Variants in FAM53B observed in about 807,000 individuals in gnomAD.
FAM53B encodes family with sequence similarity 53 member B.
Under a neutral mutation model 32.7 loss-of-function variants are expected in FAM53B, and 12 were observed. The ratio of observed to expected loss-of-function variants is 0.37; its 90% CI spans 0.24 to 0.59. The LOEUF (loss-of-function observed/expected upper bound fraction) is 0.59. Among genes scored for constraint, FAM53B ranks in the 20% least tolerant of loss-of-function variants. FAM53B has a pLI of 0.72. For synonymous variants in FAM53B, 234 were observed against 228.7 expected, an observed-to-expected ratio of 1.02 and a Z score of -0.21; for missense variants, 477 against 577.7, an observed-to-expected ratio of 0.83 and a Z score of 1.79.
chr10:124,680,543 TG>T (rs1389328511), intron 4 of FAM53B, among the ~76,000 whole-genome samples: 1 of 152,174 alleles, frequency 6.6e-6, no homozygotes, highest in Non-Finnish European at 1.5e-5. Flanking sequence ...ACACTGGGCT[TG>T]GAAGGAAGTC....
At chr10:124,740,430 T>A (rs186386447) in intron 1 of FAM53B, among the ~76,000 whole-genome samples, 4 of 152,332 alleles carry the variant, frequency 2.6e-5, no homozygotes, top group African/African-American at 9.6e-5. Context: ...CAGTCATTAA[T>A]CATGTTAATG....
intron 4 of FAM53B, among the ~76,000 whole-genome samples, chr10:124,625,996 G>A (rs1438616768): frequency 6.6e-6 from 1 of 152,234 alleles, no homozygotes; most frequent in Non-Finnish European, 1.5e-5. Flanking sequence ...GTCAAGGCCA[G>A]AGCAGCCCGG....
chr10:124,730,359 T>TTAC (rs1950134655), intron 1 of FAM53B, among the ~76,000 whole-genome samples: 1 of 152,098 alleles, frequency 6.6e-6, no homozygotes, highest in African/African-American at 2.4e-5. Context: ...GGAGCTGAGG[T>TTAC]TACAGGCTGC....
rs555204000 is a variant in FAM53B, at chr10:124,693,098, G to C, written c.133+3060C>G. 3.9e-5 allele frequency among the ~76,000 whole-genome samples: 6 copies of C among 152,274 alleles called. No individual in the cohort carries two copies. The South Asian group carries it at 1.0e-3, about 26-fold the overall frequency. On this transcript the variant is annotated intron_variant, in intron 3 of 4. Coordinates refer to ENST00000337318, the MANE Select transcript of FAM53B (RefSeq NM_014661.4). ...TAATTTGGTGTTTTATCTTCGCACA[G>C]CATTGTCCAGCGCTGGAAGGGCCCA... is the stretch of plus-strand genomic sequence containing the variant.
At chr10:124,652,672 T>G (rs891146204) in intron 4 of FAM53B, among the ~76,000 whole-genome samples, 1 of 152,182 alleles carries the variant, frequency 6.6e-6, no homozygotes, top group Non-Finnish European at 1.5e-5. Flanking sequence ...GGACAGTATG[T>G]ATTTTAATGA....
chr10:124,712,908 G>C (rs1291098667), intron 1 of FAM53B, among the ~76,000 whole-genome samples: 1 of 152,154 alleles, frequency 6.6e-6, no homozygotes, highest in African/African-American at 2.4e-5. Context: ...CGGTGGCAGG[G>C]GGCCCCTGCC....
At chr10:124,739,106 A>G (rs1174232843) in intron 1 of FAM53B, among the ~76,000 whole-genome samples, 2 of 151,542 alleles carry the variant, frequency 1.3e-5, no homozygotes, top group African/African-American at 4.8e-5. Flanking sequence ...GGAGGGGAAA[A>G]GGCAGTTAAA....
In FAM53B at chr10:124,636,461, G is replaced by A. The variant is rs149665209; in HGVS notation, c.907-12857C>T. Among the ~76,000 whole-genome samples the A allele has an allele frequency of 5.4e-4, 83 of 152,348 alleles. No homozygotes were observed. In the Middle Eastern group the frequency reaches 0.01, roughly 19 times the overall value. On this transcript the variant is annotated intron_variant, in intron 4 of 4. Coordinates refer to ENST00000337318, the MANE Select transcript of FAM53B (RefSeq NM_014661.4). ...GCCAGTGAGCCACCCTGTGCCAGAC[G>A]CCTGCATGTGGGTGGTTAGCCGGGT...
intron 3 of FAM53B, among the ~76,000 whole-genome samples, chr10:124,685,802 T>C (rs1949799009): frequency 1.3e-5 from 2 of 152,154 alleles, no homozygotes; most frequent in Admixed American, 1.3e-4. Context: ...CAGCCTGCGA[T>C]CTTGGTGCTT....
chr10:124,689,232 C>T (rs1589751435), intron 3 of FAM53B, among the ~76,000 whole-genome samples: 3 of 152,220 alleles, frequency 2.0e-5, no homozygotes, highest in East Asian at 3.9e-4. Flanking sequence ...TTTCTGAAGG[C>T]GGTTTTGCTA....
At chr10:124,650,324 A>G (rs1249844927) in intron 4 of FAM53B, among the ~76,000 whole-genome samples, 2 of 152,146 alleles carry the variant, frequency 1.3e-5, no homozygotes, top group Non-Finnish European at 2.9e-5. Flanking sequence ...GAATCTGAGA[A>G]CCAGGCATGA....
At chr10:124,632,694 C>A (rs1411089518) in intron 4 of FAM53B, among the ~76,000 whole-genome samples, 2 of 152,232 alleles carry the variant, frequency 1.3e-5, no homozygotes, top group Non-Finnish European at 2.9e-5. Context: ...GGAGGGCACA[C>A]TCTTGGAGAA....
At position 124,681,841 on chromosome 10, in the gene FAM53B, G is replaced by C. The variant is rs754765742; in HGVS notation, c.672C>G (p.Asp224Glu). The change falls in exon 4 of 5, where the codon GAC becomes GAG. Residue 224 changes from aspartate to glutamate, a missense_variant. Asp to Glu is a conservative substitution (Grantham distance 45, BLOSUM62 2). Around this residue, in one of 2 missense-constraint regions of FAM53B, gnomAD observed 312 missense variants for 420.2 expected, o/e 0.74. Coordinates refer to ENST00000337318, the MANE Select transcript of FAM53B (RefSeq NM_014661.4). ...GTGAGCAAGAGAGGGACCGCTGCAG[G>C]TCCAGCCGGCCTCCTCCCACGGGGT... ...DLHPVGGGRL[D>E]LQRSLSCSHE... The C allele has an allele frequency of 3.7e-6, 6 of 1,612,124 alleles. No homozygotes were observed. The highest frequency in any genetic ancestry group is 1.3e-5 in the African/African-American group (1 of 74,932).
intron 4 of FAM53B, among the ~76,000 whole-genome samples, chr10:124,680,720 T>C (rs1949764370): frequency 6.6e-6 from 1 of 152,090 alleles, no homozygotes; most frequent in Non-Finnish European, 1.5e-5. Context: ...AATGTTTATA[T>C]AAATAAGTCC....
At chr10:124,634,940 T>G (rs2134040777) in intron 4 of FAM53B, among the ~76,000 whole-genome samples, 1 of 152,360 alleles carries the variant, frequency 6.6e-6, no homozygotes, top group East Asian at 1.9e-4. Flanking sequence ...ATGAATTATA[T>G]CTCAATAAAG....
intron 4 of FAM53B, among the ~76,000 whole-genome samples, chr10:124,670,532 C>T (rs1279529773): frequency 6.6e-6 from 1 of 152,164 alleles, no homozygotes; most frequent in Non-Finnish European, 1.5e-5. Context: ...GAACCTGTCC[C>T]CCCAGCTTCA....
intron 3 of FAM53B, among the ~76,000 whole-genome samples, chr10:124,686,003 A>G (rs960596407): frequency 6.6e-6 from 1 of 151,826 alleles, no homozygotes; most frequent in African/African-American, 2.4e-5. Flanking sequence ...CAAACCCTAC[A>G]CTCCAGGTAT....
chr10:124,701,391 T>TGTTAC (rs1455978392), intron 2 of FAM53B, among the ~76,000 whole-genome samples: 1 of 152,230 alleles, frequency 6.6e-6, no homozygotes, highest in Non-Finnish European at 1.5e-5. Context: ...AAGTATTGGT[T>TGTTAC]GTTACGTGGA....
At chr10:124,633,562 A>T (rs1190851485) in intron 4 of FAM53B, among the ~76,000 whole-genome samples, 1 of 152,236 alleles carries the variant, frequency 6.6e-6, no homozygotes. Context: ...CACATTACTA[A>T]GCCTCCATAA....
Sources: allele counts gnomAD v4.1 joint callset (sites outside exome capture counted in the v4.1 genomes callset), GRCh38; gene constraint gnomAD v4.1.1; regional missense constraint gnomAD v4.1.1; transcripts MANE v1.5; gene names NCBI Gene and HGNC (gene_info 2026-07-23, HGNC 2026-07-21).